Variants in SDCCAG8 observed in about 807,000 individuals in gnomAD.
SDCCAG8 encodes the protein SHH signaling and ciliogenesis regulator SDCCAG8, also known as serologically defined colon cancer antigen 8.
Under a neutral mutation model 101.8 loss-of-function variants are expected in SDCCAG8, and 74 were observed. That is an observed-to-expected ratio of 0.73 (90% CI 0.60 to 0.88). The LOEUF (loss-of-function observed/expected upper bound fraction) is 0.88. Among genes scored for constraint, SDCCAG8 ranks in the 40% least tolerant of loss-of-function variants. SDCCAG8 has a pLI of 0.00. For missense variants in SDCCAG8, 787 were observed against 822.6 expected, an observed-to-expected ratio of 0.96 and a Z score of 0.53; for synonymous variants, 281 against 292.9, an observed-to-expected ratio of 0.96 and a Z score of 0.41.
At chr1:243,261,342 G>C (rs1040555394) in intron 1 of SDCCAG8, among the ~76,000 whole-genome samples, 18 of 152,272 alleles carry the variant, frequency 1.2e-4, no homozygotes, top group Non-Finnish European at 1.8e-4. Flanking sequence ...GAATGATTAA[G>C]GGCTATGTTT....
chr1:243,323,538 C>G (rs2073926373), intron 9 of SDCCAG8, among the ~76,000 whole-genome samples: 1 of 152,138 alleles, frequency 6.6e-6, no homozygotes. Context: ...CCCCCTCATC[C>G]TGCCCACAGC....
At chr1:243,388,909 C>T (rs987873215) in intron 13 of SDCCAG8, among the ~76,000 whole-genome samples, 2 of 145,730 alleles carry the variant, frequency 1.4e-5, no homozygotes, top group Admixed American at 6.9e-5. Context: ...CGTGGTGGTG[C>T]GTGCCTGAGT....
chr1:243,418,674 A>T (rs1039040946), intron 15 of SDCCAG8, among the ~76,000 whole-genome samples: 1 of 152,190 alleles, frequency 6.6e-6, no homozygotes, highest in African/African-American at 2.4e-5. Context: ...GATTATCTCA[A>T]TGAATAAATT....
chr1:243,333,389 G>C (rs2074768495), intron 10 of SDCCAG8, among the ~76,000 whole-genome samples: 4 of 152,190 alleles, frequency 2.6e-5, no homozygotes, highest in Admixed American at 6.5e-5. Flanking sequence ...TGTCCAAACA[G>C]TACCCCACAC....
At chr1:243,335,804 T>TA (rs2074966534) in intron 10 of SDCCAG8, among the ~76,000 whole-genome samples, 1 of 152,130 alleles carries the variant, frequency 6.6e-6, no homozygotes, top group African/African-American at 2.4e-5. Flanking sequence ...CTCTCCTCTC[T>TA]AGTCATCCCC....
intron 4 of SDCCAG8, among the ~76,000 whole-genome samples, chr1:243,284,779 G>A (rs889945371): frequency 1.3e-5 from 2 of 152,186 alleles, no homozygotes; most frequent in African/African-American, 4.8e-5. Context: ...TCTTCCTTTA[G>A]GTTGCATAAG....
rs1426460954 is a variant in SDCCAG8, at chr1:243,262,106, G to GGCCTC, written c.67+5866_67+5867insGCCTC. 4.4e-3 allele frequency among the ~76,000 whole-genome samples: 647 copies of GGCCTC among 145,996 alleles called. 28 individuals carry two copies. Among genetic ancestry groups the GGCCTC allele is most frequent in the Non-Finnish European group, 6.3e-3 (411 of 65,456 alleles). On this transcript the variant is annotated intron_variant, in intron 1 of 17. Coordinates refer to ENST00000366541, the MANE Select transcript of SDCCAG8 (RefSeq NM_006642.5). ...ATTACAGGCATGAGCCACGGTGCCC[G>GGCCTC]ACTTTTTTTTTTTCTTTTGAGACAG...
At chr1:243,319,383 AT>A (rs2073555264) in intron 9 of SDCCAG8, among the ~76,000 whole-genome samples, 1 of 151,736 alleles carries the variant, frequency 6.6e-6, no homozygotes, top group South Asian at 2.1e-4. Flanking sequence ...TTTTATTATC[AT>A]TTTTTTGAGA....
intron 6 of SDCCAG8, among the ~76,000 whole-genome samples, chr1:243,301,558 A>T (rs577028025): frequency 7.9e-5 from 12 of 152,318 alleles, no homozygotes; most frequent in African/African-American, 2.9e-4. Context: ...GCCCCATTTC[A>T]AGATAAATTA....
intron 13 of SDCCAG8, among the ~76,000 whole-genome samples, chr1:243,404,117 C>T (rs1224162843): frequency 3.3e-5 from 5 of 152,154 alleles, no homozygotes; most frequent in East Asian, 1.9e-4. Context: ...AGCTTACATG[C>T]GAAGGGATAA....
intron 12 of SDCCAG8, among the ~76,000 whole-genome samples, chr1:243,355,657 G>A (rs2076341158): frequency 6.6e-6 from 1 of 152,048 alleles, no homozygotes; most frequent in Non-Finnish European, 1.5e-5. Flanking sequence ...CCAGGCTGGA[G>A]TGCGGTGGCA....
intron 13 of SDCCAG8, among the ~76,000 whole-genome samples, chr1:243,381,093 G>A (rs2077921033): frequency 6.6e-6 from 1 of 151,910 alleles, no homozygotes; most frequent in African/African-American, 2.4e-5. Context: ...TTACCACACA[G>A]TCTCAACTTA....
At chr1:243,274,301 C>T (rs963638709) in intron 3 of SDCCAG8, among the ~76,000 whole-genome samples, 1 of 152,196 alleles carries the variant, frequency 6.6e-6, no homozygotes, top group Admixed American at 6.5e-5. Context: ...CGAAACACCT[C>T]CCACCAGGCC....
At chr1:243,368,792 G>A (rs1167896553) in intron 12 of SDCCAG8, among the ~76,000 whole-genome samples, 3 of 152,078 alleles carry the variant, frequency 2.0e-5, no homozygotes, top group South Asian at 4.1e-4. Flanking sequence ...TATTTGTAGG[G>A]ACAAATCTAC....
intron 5 of SDCCAG8, among the ~76,000 whole-genome samples, chr1:243,290,162 A>G (rs1449495277): frequency 6.6e-6 from 1 of 151,704 alleles, no homozygotes; most frequent in Non-Finnish European, 1.5e-5. Flanking sequence ...CTCGGCCAAT[A>G]TTTTTCACGT....
At chr1:243,293,246 T>C (rs758082302) in intron 6 of SDCCAG8, 27 bp downstream of exon 6, 10 of 1,608,884 alleles carry the variant, frequency 6.2e-6, no homozygotes, top group African/African-American at 2.7e-5. Context: ...TTTTCTCTTA[T>C]ACATCTTTTT....
chr1:243,349,034 A>C (rs762875948), intron 12 of SDCCAG8, among the ~76,000 whole-genome samples: 4 of 152,162 alleles, frequency 2.6e-5, no homozygotes, highest in Non-Finnish European at 5.9e-5. Flanking sequence ...CACAATTCTA[A>C]GATACAATTG....
chr1:243,424,010 A>AT (rs1211129426), intron 15 of SDCCAG8, among the ~76,000 whole-genome samples: 2 of 152,070 alleles, frequency 1.3e-5, no homozygotes, highest in South Asian at 4.1e-4. Flanking sequence ...TTGTTGTGCT[A>AT]TTTTTTGAAT....
At chr1:243,472,524 CAG>C (rs1661469703) in intron 16 of SDCCAG8, among the ~76,000 whole-genome samples, 2 of 152,186 alleles carry the variant, frequency 1.3e-5, no homozygotes, top group South Asian at 4.1e-4. Context: ...ATGCAGCATC[CAG>C]GTTAAAAATG....
Sources: gnomAD v4.1 joint callset for allele counts (sites outside exome capture counted in the v4.1 genomes callset) on GRCh38, gnomAD v4.1.1 for gene constraint, MANE v1.5 for transcripts, NCBI Gene and HGNC (gene_info 2026-07-23, HGNC 2026-07-21) for gene names.